Variants in PRKAA2 observed in about 807,000 individuals in gnomAD.
The protein encoded by PRKAA2 is protein kinase AMP-activated catalytic subunit alpha 2.
Under a neutral mutation model 56.3 loss-of-function variants are expected in PRKAA2, and 40 were observed. That is an observed-to-expected ratio of 0.71 (90% CI 0.55 to 0.92). PRKAA2 has a LOEUF of 0.92. Among genes scored for constraint, PRKAA2 ranks in the 40% least tolerant of loss-of-function variants. The probability of loss-of-function intolerance (pLI) is 0.00; values close to 1 mark genes in which losing one functional copy is unlikely to be tolerated. For missense variants in PRKAA2, 542 were observed against 686.9 expected (o/e 0.79, Z 2.36); for synonymous variants, 214 against 234.2 (o/e 0.91, Z 0.79).
chr1:56,655,540 C>T (rs1336378651), intron 1 of PRKAA2, among the ~76,000 whole-genome samples: 1 of 151,376 alleles, frequency 6.6e-6, no homozygotes, highest in Non-Finnish European at 1.5e-5. Context: ...TGTGTTTAGT[C>T]ATACGGGATT....
rs113014385 is a variant in PRKAA2, at chr1:56,669,452, GA to G, written c.95-4917del. On this transcript the variant is annotated intron_variant, in intron 1 of 8. Transcript: ENST00000371244. ...CCAGCCTGGGTGACAGACTGTCTCA[GA>G]AAAAAAAAAAAGTGCTGATTTTGGG... Among the ~76,000 whole-genome samples, 525 of 143,128 alleles carry G rather than the reference GA, an allele frequency of 3.7e-3. 2 individuals carry two copies. The highest frequency in any genetic ancestry group is 0.011 in the African/African-American group (445 of 39,228). 93.9% of individuals were successfully genotyped at this position (143,128 alleles called of 152,430 possible).
Position 56,712,326 on chromosome 1 carries a change from T to G in PRKAA2, c.*4613T>G, listed in dbSNP as rs1644373856. 1 of 152,200 alleles carries G rather than the reference T, an allele frequency of 6.6e-6. No individual in the cohort carries two copies. The highest frequency in any genetic ancestry group is 1.5e-5 in the Non-Finnish European group (1 of 68,032). 9.4% of individuals were successfully genotyped at this position (152,200 alleles called of 1,614,324 possible). A position where few individuals can be genotyped will look rare whatever the true frequency, so the allele number is the denominator to read the frequency against. On this transcript the variant is annotated 3_prime_UTR_variant, in exon 9 of 9. Coordinates refer to ENST00000371244, the MANE Select transcript of PRKAA2 (RefSeq NM_006252.4). ...AGTAGTAAAAATAAACACAGATGTA[T>G]TGCTTTCAAGTCTTAGAGTGACATA... is the stretch of plus-strand genomic sequence containing the variant.
chr1:56,657,877 G>A (rs545984945), intron 1 of PRKAA2, among the ~76,000 whole-genome samples: 1 of 152,290 alleles, frequency 6.6e-6, no homozygotes, highest in Non-Finnish European at 1.5e-5. Context: ...GTGACCCCAG[G>A]TGGAAGGAAG....
At chr1:56,672,452 A>G (rs6676950) in intron 1 of PRKAA2, among the ~76,000 whole-genome samples, 52,700 of 151,990 alleles carry the variant, frequency 0.35, 9,406 homozygotes, top group Admixed American at 0.48. Flanking sequence ...AACTTGAGTT[A>G]TTTCTGGGAT....
chr1:56,666,859 G>A (rs1469709206), intron 1 of PRKAA2, among the ~76,000 whole-genome samples: 1 of 151,942 alleles, frequency 6.6e-6, no homozygotes, highest in Non-Finnish European at 1.5e-5. Context: ...TTCCAATTAG[G>A]TGCATAACAT....
rs1422426714 is a variant in PRKAA2 at position 56,708,884 on chromosome 1, A to G, written c.*1171A>G. ...CATCAAGAAAAAATTTTTATCTTAA[A>G]TAAATAAATATATATATTCACACAC... On this transcript the variant is annotated 3_prime_UTR_variant, in exon 9 of 9. Coordinates refer to ENST00000371244, the MANE Select transcript of PRKAA2 (RefSeq NM_006252.4). 1 of 152,126 alleles carries G rather than the reference A, an allele frequency of 6.6e-6. No individual in the cohort carries two copies. Among genetic ancestry groups the G allele is most frequent in the Non-Finnish European group, 1.5e-5 (1 of 68,030 alleles). The allele number at this position is 152,126 out of a possible 1,614,324, so 9.4% of individuals were successfully genotyped here. A position where few individuals can be genotyped will look rare whatever the true frequency, so the allele number is the denominator to read the frequency against.
intron 1 of PRKAA2, among the ~76,000 whole-genome samples, chr1:56,658,968 A>T (rs1239011154): frequency 5.1e-5 from 7 of 136,028 alleles, no homozygotes; most frequent in African/African-American, 1.1e-4. Flanking sequence ...CTAATTTTTA[A>T]TTTTTTTTTT....
chr1:56,714,186 AC>A lies in PRKAA2; in HGVS notation c.*6476del, dbSNP rs1354987853. On this transcript the variant is annotated 3_prime_UTR_variant, in exon 9 of 9. Coordinates refer to ENST00000371244, the MANE Select transcript of PRKAA2 (RefSeq NM_006252.4). ...GATGAATGGCAGTTTTTATATTTTA[AC>A]CCTTTAAAAAGTTTGTCAAGGAAAC... is the stretch of plus-strand genomic sequence containing the variant. 6.6e-6 allele frequency: 1 copy of A among 152,124 alleles called. No individual in the cohort carries two copies. The highest frequency in any genetic ancestry group is 1.5e-5 in the Non-Finnish European group (1 of 68,000). 9.4% of individuals were successfully genotyped at this position (152,124 alleles called of 1,614,324 possible).
chr1:56,666,262 G>T (rs1330981713), intron 1 of PRKAA2, among the ~76,000 whole-genome samples: 1 of 152,124 alleles, frequency 6.6e-6, no homozygotes, highest in Non-Finnish European at 1.5e-5. Context: ...AATGATAAAT[G>T]AGACACAGAC....
At chr1:56,674,354 A>AT (rs553902911) in intron 1 of PRKAA2, 27 bp from the exon 2 acceptor site, 33 of 1,514,940 alleles carry the variant, frequency 2.2e-5, no homozygotes, top group East Asian at 1.2e-4. Flanking sequence ...ATGATAGCAC[A>AT]TTTTTTTTCC....
intron 1 of PRKAA2, among the ~76,000 whole-genome samples, chr1:56,663,205 C>T (rs780904737): frequency 2.7e-4 from 41 of 152,128 alleles, no homozygotes; most frequent in Admixed American, 1.6e-3. Flanking sequence ...CTTGTTTCAG[C>T]CCCCTGAGTA....
At chr1:56,694,254 G>A (rs568636027) in intron 5 of PRKAA2, among the ~76,000 whole-genome samples, 41 of 152,198 alleles carry the variant, frequency 2.7e-4, no homozygotes, top group East Asian at 2.1e-3. Context: ...TTGGAAAAAT[G>A]AGATTTTGGG....
At chr1:56,703,835 C>A in intron 6 of PRKAA2, 136 bp from the exon 7 acceptor site, 1 of 938,574 alleles carries the variant, frequency 1.1e-6, no homozygotes. Context: ...TGCTCAGGAT[C>A]ACATAGCTAG....
At chr1:56,665,403 C>T (rs749194400) in intron 1 of PRKAA2, among the ~76,000 whole-genome samples, 49 of 152,124 alleles carry the variant, frequency 3.2e-4, no homozygotes, top group Non-Finnish European at 5.4e-4. Flanking sequence ...GTACAATGTA[C>T]GAGTACTTTT....
chr1:56,664,635 A>T (rs1038569619), intron 1 of PRKAA2, among the ~76,000 whole-genome samples: 5 of 151,914 alleles, frequency 3.3e-5, no homozygotes, highest in African/African-American at 1.2e-4. Context: ...AAGAGAGCAA[A>T]TTTTTTTCCC....
At chr1:56,689,397 T>G (rs1460553688) in intron 2 of PRKAA2, among the ~76,000 whole-genome samples, 1 of 152,210 alleles carries the variant, frequency 6.6e-6, no homozygotes, top group Non-Finnish European at 1.5e-5. Flanking sequence ...CCATGTTTCT[T>G]CCCAAAGACT....
At chr1:56,655,771 A>G (rs1643936924) in intron 1 of PRKAA2, among the ~76,000 whole-genome samples, 1 of 152,142 alleles carries the variant, frequency 6.6e-6, no homozygotes, top group Non-Finnish European at 1.5e-5. Context: ...CAGTTTATCA[A>G]GGAGAGTCTG....
intron 1 of PRKAA2, among the ~76,000 whole-genome samples, chr1:56,671,988 G>T (rs1476188781): frequency 6.6e-6 from 1 of 152,138 alleles, no homozygotes; most frequent in Non-Finnish European, 1.5e-5. Flanking sequence ...ATGACTCCAA[G>T]AAATATTTAG....
intron 2 of PRKAA2, among the ~76,000 whole-genome samples, chr1:56,688,902 G>A (rs1399948069): frequency 6.6e-6 from 1 of 152,172 alleles, no homozygotes; most frequent in Non-Finnish European, 1.5e-5. Flanking sequence ...CTCAATAAAT[G>A]TTGTGTCACC....
Sources: gnomAD v4.1 joint callset for allele counts (sites outside exome capture counted in the v4.1 genomes callset) on GRCh38, gnomAD v4.1.1 for gene constraint, MANE v1.5 for transcripts, NCBI Gene and HGNC (gene_info 2026-07-23, HGNC 2026-07-21) for gene names.